KIAA1671: variants seen among roughly 807,000 people sequenced by gnomAD.
The protein encoded by KIAA1671 is KIAA1671.
Under a neutral mutation model 131.2 loss-of-function variants are expected in KIAA1671, and 52 were observed. The ratio of observed to expected loss-of-function variants is 0.40; its 90% CI spans 0.32 to 0.50. The LOEUF (loss-of-function observed/expected upper bound fraction) is 0.50, where lower values mean the gene tolerates loss of function less well. Among genes scored for constraint, KIAA1671 ranks in the 20% least tolerant of loss-of-function variants. The pLI is 0.73. For synonymous variants in KIAA1671, 1,003 were observed against 961.6 expected, an observed-to-expected ratio of 1.04 and a Z score of -0.80; for missense variants, 2,360 against 2,364.2, an observed-to-expected ratio of 1.00 and a Z score of 0.04.
At chr22:25,121,404 G>T (rs1931937370) in intron 6 of KIAA1671, among the ~76,000 whole-genome samples, 1 of 151,330 alleles carries the variant, frequency 6.6e-6, no homozygotes, top group Non-Finnish European at 1.5e-5. Context: ...GGAGCCTGCA[G>T]TGAGCCAAGA....
Position 25,192,484 on chromosome 22 carries a change from C to T in KIAA1671, c.*83C>T, listed in dbSNP as rs1934699890. The T allele has an allele frequency of 6.6e-6, 1 of 152,262 alleles. No individual in the cohort carries two copies. Among genetic ancestry groups the T allele is most frequent in the Non-Finnish European group, 1.5e-5 (1 of 68,084 alleles). The allele number at this position is 152,262 out of a possible 1,614,324, so 9.4% of individuals were successfully genotyped here. On this transcript the variant is annotated 3_prime_UTR_variant, in exon 13 of 13. Coordinates refer to ENST00000358431, the MANE Select transcript of KIAA1671 (RefSeq NM_001145206.2). The stretch of plus-strand genomic sequence containing the variant: ...AGACGAGGCCGAGCTGCTGCCGTTT[C>T]TTCCTGCACAACGCTTACGTGCCTG...
chr22:24,989,217 T>G (rs1209816030), intron 1 of KIAA1671, among the ~76,000 whole-genome samples: 1 of 152,162 alleles, frequency 6.6e-6, no homozygotes, highest in African/African-American at 2.4e-5. Context: ...GTCACTGAAT[T>G]CATCTTGGCC....
intron 8 of KIAA1671, chr22:25,177,053 GGGA>G (rs1934056420): frequency 2.8e-6 from 1 of 363,422 alleles, no homozygotes; most frequent in African/African-American, 2.0e-5. Context: ...GTCACTGGGA[GGGA>G]AAAGGCATTT....
intron 5 of KIAA1671, among the ~76,000 whole-genome samples, chr22:25,045,068 G>A (rs1391516931): frequency 1.1e-5 from 1 of 91,324 alleles, no homozygotes; most frequent in Non-Finnish European, 2.0e-5. Context: ...GGCTGAGGCA[G>A]GAGAATGGCG....
At chr22:24,962,975 C>T (rs1602028803) in intron 1 of KIAA1671, among the ~76,000 whole-genome samples, 1 of 152,120 alleles carries the variant, frequency 6.6e-6, no homozygotes, top group Non-Finnish European at 1.5e-5. Context: ...GAAGTATTCA[C>T]ATGGCGCCAC....
chr22:25,171,902 C>T (rs982689326), intron 7 of KIAA1671, among the ~76,000 whole-genome samples: 2 of 152,076 alleles, frequency 1.3e-5, no homozygotes, highest in African/African-American at 4.8e-5. Flanking sequence ...GGCTCCACAA[C>T]ACTGTGACTG....
rs939387953 is a variant in KIAA1671, at chr22:25,028,244, C to G, written c.245C>G (p.Pro82Arg). Residue 82 changes from proline to arginine, a missense_variant, in exon 3 of 13, where the codon CCG becomes CGG. Pro to Arg is a moderately radical substitution (Grantham distance 103). This residue lies in a region of KIAA1671 where 1,185 missense variants were observed against 1,126.2 expected (regional missense o/e 1.05). Coordinates refer to ENST00000358431, the MANE Select transcript of KIAA1671 (RefSeq NM_001145206.2). ...SKEQDVKSPV[P>R]SLRPSSTGPS... ...GAGCAGGACGTGAAATCTCCTGTCC[C>G]GTCTCTGCGGCCCAGTTCGACTGGA... 502 of 1,551,672 alleles carry G rather than the reference C, an allele frequency of 3.2e-4. No individual in the cohort carries two copies. The African/African-American group carries it at 6.1e-3, about 19-fold the overall frequency.
chr22:24,982,334 C>T (rs1408473161), intron 1 of KIAA1671, among the ~76,000 whole-genome samples: 1 of 152,224 alleles, frequency 6.6e-6, no homozygotes, highest in Non-Finnish European at 1.5e-5. Context: ...TAGAAGTGGC[C>T]TTACTCTCTC....
At chr22:25,129,043 G>GC (rs993946558) in intron 6 of KIAA1671, among the ~76,000 whole-genome samples, 5 of 152,154 alleles carry the variant, frequency 3.3e-5, no homozygotes, top group Non-Finnish European at 7.3e-5. Context: ...GGCCCTGGGT[G>GC]CAGAGGCTGG....
intron 6 of KIAA1671, among the ~76,000 whole-genome samples, chr22:25,093,840 C>A (rs150605944): frequency 1.8e-5 from 1 of 57,088 alleles, no homozygotes; most frequent in Admixed American, 2.5e-4. Context: ...CTCTGTCTGT[C>A]TCTCTCTCTC....
At chr22:24,983,592 A>T (rs1923343190) in intron 1 of KIAA1671, among the ~76,000 whole-genome samples, 1 of 143,888 alleles carries the variant, frequency 6.9e-6, no homozygotes, top group Admixed American at 6.9e-5. Context: ...TCAGACTTAA[A>T]GGATGTGTGT....
chr22:24,994,583 G>C (rs563609701), intron 1 of KIAA1671, among the ~76,000 whole-genome samples: 68 of 152,260 alleles, frequency 4.5e-4, no homozygotes, highest in Non-Finnish European at 7.4e-5. Flanking sequence ...GTGGTGCCTG[G>C]GGTGGCACAC....
chr22:25,143,195 C>G (rs1288388958), intron 6 of KIAA1671, among the ~76,000 whole-genome samples: 7 of 152,206 alleles, frequency 4.6e-5, no homozygotes, highest in Non-Finnish European at 8.8e-5. Flanking sequence ...CAGGGAGTTG[C>G]CAGTCAGCCA....
rs1926758607 is a variant in KIAA1671 at position 25,038,877 on chromosome 22, G to A, written c.1747G>A (p.Asp583Asn). ...EQKVSSNQDP[D>N]SCRGGSSVEA... ...GAAGGTTAGCTCTAACCAAGACCCC[G>A]ACAGCTGTCGCGGTGGAAGCTCAGT... The change falls in exon 5 of 13, where the codon GAC becomes AAC. Residue 583 changes from aspartate to asparagine, a missense_variant. Transcript: ENST00000358431. The A allele has an allele frequency of 3.2e-6, 5 of 1,551,776 alleles. No individual in the cohort carries two copies. The highest frequency in any genetic ancestry group is 1.2e-5 in the South Asian group (1 of 84,054).
At chr22:25,020,758 C>T (rs1485905261) in intron 1 of KIAA1671, among the ~76,000 whole-genome samples, 17 of 152,272 alleles carry the variant, frequency 1.1e-4, no homozygotes, top group African/African-American at 3.4e-4. Flanking sequence ...GGCATGAAGG[C>T]GAGAAAGCGT....
At chr22:24,968,096 T>C (rs1233893677) in intron 1 of KIAA1671, among the ~76,000 whole-genome samples, 1 of 152,138 alleles carries the variant, frequency 6.6e-6, no homozygotes, top group Non-Finnish European at 1.5e-5. Flanking sequence ...CAGATTTAAC[T>C]CGAGAAAGGC....
At chr22:25,149,211 G>A (rs1047654142) in intron 6 of KIAA1671, among the ~76,000 whole-genome samples, 7 of 152,168 alleles carry the variant, frequency 4.6e-5, no homozygotes, top group African/African-American at 1.4e-4. Flanking sequence ...CTTGCCCAAG[G>A]CTGCACAGCT....
At chr22:24,994,198 C>A (rs1178717313) in intron 1 of KIAA1671, among the ~76,000 whole-genome samples, 1 of 152,174 alleles carries the variant, frequency 6.6e-6, no homozygotes, top group East Asian at 1.9e-4. Flanking sequence ...TGTCACGACA[C>A]CTTAGGAGGG....
Position 25,029,399 on chromosome 22 carries a change from CGG to C in KIAA1671, c.1401_1402del (p.Ala468GlyfsTer26). 6.4e-7 allele frequency: 1 copy of C among 1,551,398 alleles called. No homozygotes were observed. The highest frequency in any genetic ancestry group is 1.4e-5 in the African/African-American group (1 of 73,186). ...CCCCTGGCCACCCCTGCGTCCCCAT[CGG>C]CGGCACCAGAGCCGGAGAAAGGGGT... On this transcript the variant is annotated frameshift_variant, in exon 3 of 13. Coordinates refer to ENST00000358431, the MANE Select transcript of KIAA1671 (RefSeq NM_001145206.2). LOFTEE classifies it high-confidence loss of function.
Sources: gnomAD v4.1 joint callset for allele counts (sites outside exome capture counted in the v4.1 genomes callset) on GRCh38, gnomAD v4.1.1 for gene constraint, gnomAD v4.1.1 regional missense constraint, MANE v1.5 for transcripts, NCBI Gene and HGNC (gene_info 2026-07-23, HGNC 2026-07-21) for gene names.